The following DNAH9 variants were observed in gnomAD, a reference collection of about 807,000 sequenced individuals.
DNAH9 encodes the protein DNAH9 variant protein.
Under a neutral mutation model 471.6 loss-of-function variants are expected in DNAH9, and 345 were observed. The ratio of observed to expected loss-of-function variants is 0.73; its 90% CI spans 0.67 to 0.80. The LOEUF (loss-of-function observed/expected upper bound fraction) is 0.80, where lower values mean the gene tolerates loss of function less well. Ranked by LOEUF, DNAH9 falls within the 30% of genes least tolerant of loss-of-function variation. The probability of loss-of-function intolerance (pLI) is 0.00; values close to 1 mark genes in which losing one functional copy is unlikely to be tolerated. For missense variants in DNAH9, 5,407 were observed against 5,609.2 expected, an observed-to-expected ratio of 0.96 and a Z score of 1.15; for synonymous variants, 2,093 against 2,123.6, an observed-to-expected ratio of 0.99 and a Z score of 0.40.
At position 11,758,098 on chromosome 17, in the gene DNAH9, C is replaced by A. The variant is rs1360087309; in HGVS notation, c.6995+406C>A. ...GGTGAAAATGGCACTTATTGGTGAC[C>A]TGTGGGGCCCACTCCCCGTCCCTGG... On this transcript the variant is annotated intron_variant, in intron 35 of 68. Transcript: ENST00000262442. 3.9e-5 allele frequency among the ~76,000 whole-genome samples: 6 copies of A among 152,124 alleles called. 1 individual carries two copies. Among genetic ancestry groups the A allele is most frequent in the Non-Finnish European group, 8.8e-5 (6 of 68,026 alleles).
intron 20 of DNAH9, among the ~76,000 whole-genome samples, 190 bp from the exon 21 acceptor site, chr17:11,693,678 A>C (rs554640168): frequency 6.6e-6 from 1 of 152,300 alleles, no homozygotes; most frequent in Admixed American, 6.5e-5. Context: ...TTGGACTCCT[A>C]AACAATTTTT....
intron 48 of DNAH9, among the ~76,000 whole-genome samples, chr17:11,826,243 C>T (rs183609589): frequency 7.3e-4 from 111 of 152,256 alleles, no homozygotes; most frequent in South Asian, 1.9e-3. Flanking sequence ...TTCCCTGCTG[C>T]CTGCCTCATT....
rs774961046 is a variant in DNAH9 at position 11,629,430 on chromosome 17, C to T, written c.1364C>T (p.Thr455Met). The change falls in exon 7 of 69, where the codon ACG (threonine) becomes ATG (methionine). Residue 455 changes from threonine to methionine, a missense_variant. Physicochemically the swap from Thr to Met is moderately conservative, Grantham distance 81 (BLOSUM62 -1). Transcript: ENST00000262442. Reference sequence around the variant, plus strand: ...TTGTCCCCATAGGGTCTTCTGAAGACGGCCCTGGATTTCCACAAACTGGGA... The same window carrying T: ...TTGTCCCCATAGGGTCTTCTGAAGATGGCCCTGGATTTCCACAAACTGGGA... ...QLHVVEGLLKTALDFHKLGKV... is the reference protein window; with the variant it reads ...QLHVVEGLLKMALDFHKLGKV... 150 of 1,613,792 alleles carry T rather than the reference C, an allele frequency of 9.3e-5. 1 individual carries two copies. The South Asian group carries it at 1.3e-3, about 14-fold the overall frequency.
intron 20 of DNAH9, among the ~76,000 whole-genome samples, chr17:11,693,161 C>T (rs1405608183): frequency 1.3e-5 from 2 of 150,932 alleles, no homozygotes; most frequent in Non-Finnish European, 2.9e-5. Context: ...GATCCACCCG[C>T]CTCTGCCTCC....
At chr17:11,744,291 A>G (rs2075480921) in intron 30 of DNAH9, among the ~76,000 whole-genome samples, 1 of 152,174 alleles carries the variant, frequency 6.6e-6, no homozygotes, top group Admixed American at 6.5e-5. Flanking sequence ...GCCTAGTATC[A>G]GCAGTGTGGT....
At chr17:11,624,681 T>A (rs570848886) in intron 6 of DNAH9, among the ~76,000 whole-genome samples, 1 of 152,262 alleles carries the variant, frequency 6.6e-6, no homozygotes, top group Admixed American at 6.5e-5. Flanking sequence ...TGCACCAAAC[T>A]TTGATATCCT....
chr17:11,669,029 C>T, intron 15 of DNAH9, 35 bp from the exon 16 acceptor site: 1 of 1,490,892 alleles, frequency 6.7e-7, no homozygotes, highest in Non-Finnish European at 9.2e-7. Context: ...TTTATCCACT[C>T]TTTGTTTTGT....
intron 51 of DNAH9, 41 bp downstream of exon 51, chr17:11,869,294 G>T (rs758975887): frequency 6.2e-6 from 10 of 1,606,866 alleles, no homozygotes; most frequent in East Asian, 2.2e-5. Flanking sequence ...AATTATATTA[G>T]CAGGCTTGTC....
chr17:11,640,162 T>C, intron 9 of DNAH9, 108 bp from the exon 10 acceptor site: 1 of 674,496 alleles, frequency 1.5e-6, no homozygotes. Context: ...GTGACTTTAG[T>C]CTGGAGATAA....
chr17:11,778,959 T>G (rs1331169517), intron 38 of DNAH9, among the ~76,000 whole-genome samples: 2 of 151,260 alleles, frequency 1.3e-5, no homozygotes, highest in African/African-American at 4.9e-5. Flanking sequence ...TAAGCCGAGG[T>G]TGCACCACGG....
intron 38 of DNAH9, among the ~76,000 whole-genome samples, chr17:11,769,972 G>A (rs1968135040): frequency 6.6e-6 from 1 of 152,212 alleles, no homozygotes; most frequent in Non-Finnish European, 1.5e-5. Context: ...TTGTTTTGGA[G>A]AAGCTTCCAA....
intron 8 of DNAH9, among the ~76,000 whole-genome samples, chr17:11,635,523 A>G (rs2073146222): frequency 1.3e-5 from 2 of 152,114 alleles, no homozygotes; most frequent in African/African-American, 4.8e-5. Context: ...TGCAAAAACC[A>G]TGCACTGAGC....
chr17:11,699,381 G>A (rs1220377932), intron 22 of DNAH9, among the ~76,000 whole-genome samples: 1 of 152,170 alleles, frequency 6.6e-6, no homozygotes, highest in Non-Finnish European at 1.5e-5. Context: ...CCTGTACCAT[G>A]GTAGTGTTTT....
At chr17:11,908,993 G>C (rs1973697712) in intron 61 of DNAH9, among the ~76,000 whole-genome samples, 1 of 152,188 alleles carries the variant, frequency 6.6e-6, no homozygotes, top group South Asian at 2.1e-4. Context: ...TCTGGTCCCT[G>C]TTGGTACGAT....
chr17:11,915,653 T>A (rs1973927142), intron 61 of DNAH9, among the ~76,000 whole-genome samples: 1 of 152,206 alleles, frequency 6.6e-6, no homozygotes, highest in Admixed American at 6.5e-5. Context: ...AGCTTTTAGA[T>A]CCTGTCACAC....
intron 59 of DNAH9, among the ~76,000 whole-genome samples, chr17:11,896,533 A>G (rs1237308051): frequency 6.6e-6 from 1 of 152,198 alleles, no homozygotes; most frequent in African/African-American, 2.4e-5. Flanking sequence ...TCTGGGCCCA[A>G]TCTGGTGAAT....
At chr17:11,785,074 T>A (rs898986901) in intron 41 of DNAH9, among the ~76,000 whole-genome samples, 17 of 152,154 alleles carry the variant, frequency 1.1e-4, no homozygotes, top group East Asian at 5.8e-4. Context: ...CTGTTTCAGA[T>A]CTTTCCAACT....
intron 17 of DNAH9, among the ~76,000 whole-genome samples, chr17:11,675,437 C>G (rs1345902215): frequency 1.3e-5 from 2 of 152,068 alleles, no homozygotes; most frequent in Admixed American, 1.3e-4. Flanking sequence ...ATCTCTGTCT[C>G]TTATCTTACC....
At chr17:11,787,209 T>C (rs746628875) in intron 41 of DNAH9, among the ~76,000 whole-genome samples, 1 of 152,188 alleles carries the variant, frequency 6.6e-6, no homozygotes, top group Non-Finnish European at 1.5e-5. Flanking sequence ...GTGAAAGTGA[T>C]GTACAGAAAA....
Sources: allele counts gnomAD v4.1 joint callset (sites outside exome capture counted in the v4.1 genomes callset), GRCh38; gene constraint gnomAD v4.1.1; transcripts MANE v1.5; gene names NCBI Gene and HGNC (gene_info 2026-07-23, HGNC 2026-07-21).